The following EXOC4 variants were observed in gnomAD, a reference collection of about 807,000 sequenced individuals.
EXOC4 encodes exocyst complex component 4, also known as SEC8-like 1.
EXOC4 carries 71 observed loss-of-function variants against 107.2 expected under a neutral mutation model. That is an observed-to-expected ratio of 0.66 (90% CI 0.55 to 0.81). The LOEUF is 0.81. Among genes scored for constraint, EXOC4 ranks in the 30% least tolerant of loss-of-function variants. EXOC4 has a pLI of 0.00. For synonymous variants in EXOC4, 456 were observed against 441.2 expected, an observed-to-expected ratio of 1.03 and a Z score of -0.42; for missense variants, 1,108 against 1,189.6, an observed-to-expected ratio of 0.93 and a Z score of 1.01.
intron 5 of EXOC4, among the ~76,000 whole-genome samples, chr7:133,341,652 C>T (rs961637757): frequency 6.6e-6 from 1 of 152,026 alleles, no homozygotes; most frequent in African/African-American, 2.4e-5. Context: ...CCACTCTTAT[C>T]GTGTTGCTGT....
At chr7:133,727,126 A>G (rs1392921420) in intron 10 of EXOC4, among the ~76,000 whole-genome samples, 3 of 152,270 alleles carry the variant, frequency 2.0e-5, no homozygotes, top group African/African-American at 4.8e-5. Context: ...TAGATTGTCA[A>G]TCTGTTTTTG....
the EXOC4 span, among the ~76,000 whole-genome samples, chr7:134,081,554 C>T: frequency 2.6e-5 from 4 of 151,980 alleles, no homozygotes; most frequent in African/African-American, 7.3e-5. Flanking sequence ...TCTGTAGCCC[C>T]GATACTTAGA....
intron 9 of EXOC4, chr7:133,484,134 TA>T: frequency 1.2e-6 from 2 of 1,609,594 alleles, no homozygotes; most frequent in Non-Finnish European, 1.7e-6. Context: ...ATTTTCAATT[TA>T]TCATACAATT....
At chr7:133,288,806 C>A in intron 2 of EXOC4, 116 bp from the exon 3 acceptor site, 2 of 760,620 alleles carry the variant, frequency 2.6e-6, no homozygotes, top group Non-Finnish European at 2.1e-6. Context: ...GAATAAGTGG[C>A]AGTGGGAATT....
the EXOC4 span, among the ~76,000 whole-genome samples, chr7:134,073,790 C>A: frequency 6.6e-6 from 1 of 152,146 alleles, no homozygotes; most frequent in Non-Finnish European, 1.5e-5. Flanking sequence ...TGGTGAGAGG[C>A]TTCCCCTCCT....
rs1235610396 is a variant in EXOC4, at chr7:133,337,640, T to C, written c.764-18690T>C. Among the ~76,000 whole-genome samples, 17 of 898 alleles carry C rather than the reference T, an allele frequency of 0.019. No homozygotes were observed. The South Asian group carries it at 0.45, about 24-fold the overall frequency. 0.6% of individuals were successfully genotyped at this position (898 alleles called of 152,430 possible). A position where few individuals can be genotyped will look rare whatever the true frequency, so the allele number is the denominator to read the frequency against. On this transcript the variant is annotated intron_variant, in intron 5 of 17. Coordinates refer to ENST00000253861, the MANE Select transcript of EXOC4 (RefSeq NM_021807.4). ...TTTATTTTCCTTCCTTCCTTCCCTTTTTTTTTTTTTTTTTTTGGAGTCTTG... is the reference window on the plus strand; with the variant it reads ...TTTATTTTCCTTCCTTCCTTCCCTTCTTTTTTTTTTTTTTTTGGAGTCTTG...
chr7:133,612,073 T>C (rs1802086156), intron 9 of EXOC4, among the ~76,000 whole-genome samples: 1 of 152,184 alleles, frequency 6.6e-6, no homozygotes, highest in African/African-American at 2.4e-5. Flanking sequence ...TTGTAATCTT[T>C]AGTATTCATG....
chr7:133,544,939 T>C (rs1800452344), intron 9 of EXOC4, among the ~76,000 whole-genome samples: 1 of 152,002 alleles, frequency 6.6e-6, no homozygotes, highest in South Asian at 2.1e-4. Flanking sequence ...ACTCTTCACT[T>C]TTTGTCTCGA....
intron 9 of EXOC4, among the ~76,000 whole-genome samples, chr7:133,598,706 G>A (rs1455698398): frequency 2.0e-5 from 3 of 152,058 alleles, no homozygotes; most frequent in African/African-American, 4.8e-5. Context: ...AAACTGGGCC[G>A]GGTGTGGTGG....
intron 9 of EXOC4, among the ~76,000 whole-genome samples, chr7:133,501,185 G>A (rs1799569398): frequency 6.6e-6 from 1 of 152,106 alleles, no homozygotes; most frequent in Admixed American, 6.5e-5. Flanking sequence ...AAGTTTGTAA[G>A]TTCTGAATAA....
intron 9 of EXOC4, among the ~76,000 whole-genome samples, chr7:133,590,934 A>G (rs1357377019): frequency 6.6e-6 from 1 of 152,224 alleles, no homozygotes; most frequent in African/African-American, 2.4e-5. Flanking sequence ...GGGGCATCAC[A>G]GATCATGGGC....
intron 9 of EXOC4, among the ~76,000 whole-genome samples, chr7:133,567,058 T>C (rs1272387000): frequency 6.6e-6 from 1 of 152,158 alleles, no homozygotes; most frequent in Non-Finnish European, 1.5e-5. Context: ...GAAAACCAGC[T>C]TTATTATTCT....
At chr7:133,283,308 C>T (rs890226378) in intron 2 of EXOC4, among the ~76,000 whole-genome samples, 2 of 152,108 alleles carry the variant, frequency 1.3e-5, no homozygotes, top group African/African-American at 4.8e-5. Context: ...CCCCTGGGCT[C>T]AAGTGATCTA....
intron 10 of EXOC4, among the ~76,000 whole-genome samples, chr7:133,716,685 G>A (rs1469159307): frequency 6.6e-6 from 1 of 152,216 alleles, no homozygotes; most frequent in Non-Finnish European, 1.5e-5. Context: ...GCTCATGCCT[G>A]TAATCCCAGC....
chr7:133,746,708 C>T (rs539690045), intron 10 of EXOC4, among the ~76,000 whole-genome samples: 4 of 152,118 alleles, frequency 2.6e-5, no homozygotes, highest in Non-Finnish European at 5.9e-5. Flanking sequence ...AGGATTGTAA[C>T]GATACACACA....
rs1795016962 is a variant in EXOC4 at position 133,317,471 on chromosome 7, G to A, written c.763+81G>A. ...AGATATCTGGAGGAGCTTTTTGGGG[G>A]CTGAGCTAGGTTGGGCTGGGCTAGG... On this transcript the variant is annotated intron_variant, in intron 5 of 17. Transcript: ENST00000253861. The A allele has an allele frequency of 4.0e-6, 4 of 991,614 alleles. No individual in the cohort carries two copies. The South Asian group carries it at 4.3e-5, about 11-fold the overall frequency. 61.4% of individuals were successfully genotyped at this position (991,614 alleles called of 1,614,324 possible).
intron 10 of EXOC4, among the ~76,000 whole-genome samples, chr7:133,810,887 C>A (rs1179006016): frequency 6.6e-6 from 1 of 152,040 alleles, no homozygotes; most frequent in Non-Finnish European, 1.5e-5. Flanking sequence ...CCTGCCTTGG[C>A]CTCTCAAAGT....
rs755892680 is a variant in EXOC4, at chr7:133,374,918, T to C, written c.1098T>C (p.Thr366=). The part of the protein sequence containing the change: ...HSVVLGYLQD[T]VVTPLTQQED... ...TGGTCCTGGGATACCTGCAGGACACTGTAGTGACTCCACTGACTCAGCAGG... is the reference window on the plus strand; with the variant it reads ...TGGTCCTGGGATACCTGCAGGACACCGTAGTGACTCCACTGACTCAGCAGG... Residue 366 remains threonine (T), a synonymous_variant, in exon 7 of 18, where the codon ACT becomes ACC. Transcript: ENST00000253861. 3 of 1,613,872 alleles carry C rather than the reference T, an allele frequency of 1.9e-6. No homozygotes were observed. Among genetic ancestry groups the C allele is most frequent in the African/African-American group, 2.7e-5 (2 of 74,914 alleles).
At chr7:133,552,889 A>T (rs1218488495) in intron 9 of EXOC4, among the ~76,000 whole-genome samples, 1 of 152,114 alleles carries the variant, frequency 6.6e-6, no homozygotes, top group Non-Finnish European at 1.5e-5. Context: ...CCTCCTCTTA[A>T]ATTTTTATTA....
Sources: allele counts gnomAD v4.1 joint callset (sites outside exome capture counted in the v4.1 genomes callset), GRCh38; gene constraint gnomAD v4.1.1; transcripts MANE v1.5; gene names NCBI Gene and HGNC (gene_info 2026-07-23, HGNC 2026-07-21).